BICRA: variants seen among roughly 807,000 people sequenced by gnomAD.
BICRA encodes BRD4-interacting chromatin-remodeling complex-associated protein.
Under a neutral mutation model 96.9 loss-of-function variants are expected in BICRA, and 31 were observed. The observed-to-expected ratio is 0.32, with a 90% CI of 0.24 to 0.43. BICRA has a LOEUF of 0.43. Ranked by LOEUF, BICRA falls within the 20% of genes least tolerant of loss-of-function variation. The probability of loss-of-function intolerance (pLI) is 1.00; values close to 1 mark genes in which losing one functional copy is unlikely to be tolerated. For synonymous variants in BICRA, 1,350 were observed against 1,071.8 expected (o/e 1.26, Z -5.07); for missense variants, 2,283 against 2,190.3 (o/e 1.04, Z -0.84).
intron 1 of BICRA, among the ~76,000 whole-genome samples, chr19:47,648,842 A>C (rs1599815220): frequency 6.8e-6 from 1 of 146,346 alleles, no homozygotes. Context: ...GTGCACCACC[A>C]CGCTGGGCTA....
chr19:47,685,136 A>ATT (rs34314641), intron 7 of BICRA, among the ~76,000 whole-genome samples: 27 of 144,842 alleles, frequency 1.9e-4, no homozygotes, highest in Admixed American at 2.1e-4. Context: ...CGCACAGCTA[A>ATT]TTTTTTTTTT....
intron 1 of BICRA, among the ~76,000 whole-genome samples, chr19:47,617,461 T>C (rs1972002533): frequency 6.6e-6 from 1 of 152,068 alleles, no homozygotes; most frequent in South Asian, 2.1e-4. Context: ...CCTCCCAGGC[T>C]CCAGCAGTTC....
chr19:47,694,380 CGGCCCCTACTGCCCCA>C lies in BICRA; in HGVS notation c.2555_2570del (p.Pro852ArgfsTer90). 1.6e-6 allele frequency: 2 copies of C among 1,234,750 alleles called. No individual in the cohort carries two copies. Among genetic ancestry groups the C allele is most frequent in the Non-Finnish European group, 2.3e-6 (2 of 858,540 alleles). 76.5% of individuals were successfully genotyped at this position (1,234,750 alleles called of 1,614,324 possible). On this transcript the variant is annotated frameshift_variant, in exon 8 of 15. Transcript: ENST00000594866. LOFTEE classifies it high-confidence loss of function. ...GGCGTTCCCCCGCCTGCCAGCAACC[CGGCCCCTACTGCCCCA>C]GGCCCGCCGCAGCCGCCTCTCCGCC...
intron 7 of BICRA, among the ~76,000 whole-genome samples, chr19:47,688,975 A>G (rs897295608): frequency 4.0e-5 from 6 of 151,896 alleles, no homozygotes; most frequent in African/African-American, 1.2e-4. Flanking sequence ...TTACAGGCAC[A>G]TGCCAGCAAG....
rs563774445 is a variant in BICRA at position 47,700,935 on chromosome 19, ATTGTTTTT to A, written c.3596-386_3596-379del. 1.8e-4 allele frequency: 42 copies of A among 233,700 alleles called. No homozygotes were observed. The South Asian group carries it at 2.8e-3, about 16-fold the overall frequency. The allele number at this position is 233,700 out of a possible 1,614,324, so 14.5% of individuals were successfully genotyped here. ...TCCAATAGAACTTCATATTTTATTT[ATTGTTTTT>A]TTGTTTGTTTGTTTGTAGAGACAGG... On this transcript the variant is annotated intron_variant, in intron 14 of 14. Transcript: ENST00000594866.
chr19:47,621,442 C>CT (rs1444133348), intron 1 of BICRA, among the ~76,000 whole-genome samples: 2 of 149,684 alleles, frequency 1.3e-5, no homozygotes, highest in African/African-American at 4.9e-5. Flanking sequence ...CATGGTCCTG[C>CT]TTTTGTATTT....
intron 1 of BICRA, among the ~76,000 whole-genome samples, chr19:47,634,139 G>A (rs1202457762): frequency 6.6e-6 from 1 of 152,240 alleles, no homozygotes; most frequent in African/African-American, 2.4e-5. Context: ...TCCAGTCCTT[G>A]CCAGACGAGT....
chr19:47,641,577 C>T (rs1972386538), intron 1 of BICRA, among the ~76,000 whole-genome samples: 1 of 152,112 alleles, frequency 6.6e-6, no homozygotes, highest in Non-Finnish European at 1.5e-5. Flanking sequence ...TTGAGCCCAG[C>T]AGTTGGAGCT....
At chr19:47,648,666 GT>G (rs778225836) in intron 1 of BICRA, among the ~76,000 whole-genome samples, 11 of 140,524 alleles carry the variant, frequency 7.8e-5, no homozygotes, top group African/African-American at 1.0e-4. Flanking sequence ...GAGGTCAGGA[GT>G]TTTTTTTTTT....
chr19:47,657,848 G>A (rs376348673), intron 1 of BICRA, among the ~76,000 whole-genome samples: 2 of 152,156 alleles, frequency 1.3e-5, no homozygotes, highest in East Asian at 1.9e-4. Context: ...AAGATGTCTA[G>A]GAGAAGGCCA....
chr19:47,675,182 C>A lies in BICRA; in HGVS notation c.85-669C>A, dbSNP rs1972922540. Among the ~76,000 whole-genome samples the A allele has an allele frequency of 6.6e-6, 1 of 152,108 alleles. No homozygotes were observed. ...ACTGAGTGGATTCTGGTGCCATTTT[C>A]TGAAGTTGGGAATTTGGGGAAGATT... On this transcript the variant is annotated intron_variant, in intron 4 of 14. Transcript: ENST00000594866. The surrounding 1 kb of genome is among the most constrained non-coding windows in gnomAD (Gnocchi z 4.7).
chr19:47,686,518 G>A (rs973603946), intron 7 of BICRA, among the ~76,000 whole-genome samples: 1 of 152,002 alleles, frequency 6.6e-6, no homozygotes, highest in Non-Finnish European at 1.5e-5. Context: ...CAAGTAGCTG[G>A]GATTACAGGA....
chr19:47,702,295 C>G lies in BICRA; in HGVS notation c.4563C>G (p.Pro1521=). The G allele has an allele frequency of 6.3e-7, 1 of 1,588,944 alleles. No homozygotes were observed. The change falls in exon 15 of 15, where the codon CCC becomes CCG. Residue 1521 remains proline, a synonymous_variant. Coordinates refer to ENST00000594866, the MANE Select transcript of BICRA (RefSeq NM_001394372.1). ...LQQAPGRTPA[P]SYPHAASAGT... is the part of the protein sequence containing the mutation. ...AGGCCCCCGGCCGGACGCCCGCGCC[C>G]TCGTACCCCCACGCTGCCTCGGCCG...
chr19:47,693,916 G>T (rs1045750681), intron 7 of BICRA, among the ~76,000 whole-genome samples, 199 bp from the exon 8 acceptor site: 14 of 152,138 alleles, frequency 9.2e-5, no homozygotes, highest in Non-Finnish European at 2.1e-4. Flanking sequence ...AGAGGTCGAG[G>T]GCAGGTGGAG....
intron 1 of BICRA, among the ~76,000 whole-genome samples, chr19:47,668,534 T>G (rs1034809613): frequency 6.8e-6 from 1 of 147,090 alleles, no homozygotes; most frequent in Non-Finnish European, 1.5e-5. Flanking sequence ...TCACCAAGGC[T>G]GAAGTGCAAG....
chr19:47,633,055 T>A (rs926133859), intron 1 of BICRA, among the ~76,000 whole-genome samples: 1 of 150,850 alleles, frequency 6.6e-6, no homozygotes, highest in Non-Finnish European at 1.5e-5. Flanking sequence ...TTTGTTGCTG[T>A]CATTAATTTT....
At chr19:47,608,292 C>G (rs1971839499), upstream of BICRA, 1 of 152,222 alleles carries the variant, frequency 6.6e-6, no homozygotes, top group Non-Finnish European at 1.5e-5. Flanking sequence ...GGTGAGTGAT[C>G]GAGCCACGCC....
Position 47,698,861 on chromosome 19 carries a change from C to T in BICRA, c.3397+79C>T, listed in dbSNP as rs149064703. ...GGGCGGGGCGTCGCCAGTGTGGAGC[C>T]GCAGGTCCACGGTGCGCTATGCTGA... On this transcript the variant is annotated intron_variant, in intron 12 of 14. Transcript: ENST00000594866. The surrounding 1 kb of genome is among the most constrained non-coding windows in gnomAD (Gnocchi z 4.8). The T allele has an allele frequency of 1.2e-3, 1,637 of 1,385,636 alleles. 8 individuals carry two copies. The African/African-American group carries it at 0.017, about 14-fold the overall frequency. The allele number at this position is 1,385,636 out of a possible 1,614,324, so 85.8% of individuals were successfully genotyped here.
intron 7 of BICRA, among the ~76,000 whole-genome samples, chr19:47,688,587 G>A (rs951702509): frequency 5.3e-5 from 8 of 151,810 alleles, no homozygotes; most frequent in Non-Finnish European, 1.2e-4. Context: ...TCAAGATATC[G>A]AGACCATCCT....
Sources: allele counts gnomAD v4.1 joint callset (sites outside exome capture counted in the v4.1 genomes callset), GRCh38; gene constraint gnomAD v4.1.1; non-coding constraint Gnocchi (gnomAD v3.1); transcripts MANE v1.5; gene names NCBI Gene and HGNC (gene_info 2026-07-23, HGNC 2026-07-21).